The following DNASE2 variants were observed in gnomAD, a reference collection of about 807,000 sequenced individuals.
DNASE2 encodes the protein deoxyribonuclease 2, lysosomal.
Under a neutral mutation model 29.8 loss-of-function variants are expected in DNASE2, and 26 were observed. The observed-to-expected ratio is 0.87, with a 90% CI of 0.64 to 1.21. DNASE2 has a LOEUF of 1.21. Among genes scored for constraint, DNASE2 ranks in the 50% most tolerant of loss-of-function variants. The probability of loss-of-function intolerance (pLI) is 0.00; values close to 1 mark genes in which losing one functional copy is unlikely to be tolerated. For synonymous variants in DNASE2, 186 were observed against 193.5 expected (o/e 0.96, Z 0.32); for missense variants, 415 against 455.6 (o/e 0.91, Z 0.81).
At position 12,881,010 on chromosome 19, in the gene DNASE2, G is replaced by A; in HGVS notation, c.229C>T (p.Arg77Ter). The change falls in exon 2 of 6, where the codon CGA (arginine) becomes TGA (stop). Residue 77 changes from arginine (R) to a stop codon, truncating the protein, a stop_gained. Transcript: ENST00000222219. LOFTEE classifies it high-confidence loss of function. ...LINSPEGAVG[R>*]SLQPLYRSNT... is the part of the protein sequence containing the mutation. ...CTCCGGTACAGCGGCTGCAGGCTTCGGCCCACGGCCCCCTCCGGGCTGTTG... is the reference window on the plus strand; with the variant it reads ...CTCCGGTACAGCGGCTGCAGGCTTCAGCCCACGGCCCCCTCCGGGCTGTTG... 6.2e-7 allele frequency: 1 copy of A among 1,613,940 alleles called. No individual in the cohort carries two copies. The highest frequency in any genetic ancestry group is 8.5e-7 in the Non-Finnish European group (1 of 1,179,996).
chr19:12,876,457 T>TA, intron 5 of DNASE2, 94 bp from the exon 6 acceptor site: 1 of 1,405,060 alleles, frequency 7.1e-7, no homozygotes. Context: ...TTTCCATATT[T>TA]CCTTTTTTTT....
At chr19:12,879,478 C>A (rs1408519720) in intron 3 of DNASE2, among the ~76,000 whole-genome samples, 2 of 141,834 alleles carry the variant, frequency 1.4e-5, no homozygotes, top group Non-Finnish European at 3.0e-5. Context: ...GAGCAAAACT[C>A]CTTCTCAAAA....
intron 5 of DNASE2, 169 bp downstream of exon 5, chr19:12,878,213 T>C (rs983841328): frequency 1.3e-6 from 1 of 796,078 alleles, no homozygotes; most frequent in Non-Finnish European, 2.1e-6. Flanking sequence ...GGTGAAGTTA[T>C]ACATCACACA....
At chr19:12,880,951 T>A in intron 2 of DNASE2, 21 bp downstream of exon 2, 1 of 1,614,200 alleles carries the variant, frequency 6.2e-7, no homozygotes, top group Non-Finnish European at 8.5e-7. Flanking sequence ...TCGCCCCTAG[T>A]TGGCCCGGGG....
At chr19:12,878,161 A>C (rs1237661141) in intron 5 of DNASE2, 2 of 596,188 alleles carry the variant, frequency 3.4e-6, no homozygotes, top group African/African-American at 3.7e-5. Context: ...TTTTAAGTAG[A>C]TGTCAGTATC....
At chr19:12,879,613 A>T (rs1970358217) in intron 3 of DNASE2, among the ~76,000 whole-genome samples, 1 of 152,154 alleles carries the variant, frequency 6.6e-6, no homozygotes, top group South Asian at 2.1e-4. Context: ...TTAGAACCAC[A>T]GCTGAGCTCA....
rs1196295742 is a variant in DNASE2 at position 12,875,848 on chromosome 19, C to CT, written c.*141dup. The CT allele has an allele frequency of 7.1e-6, 8 of 1,130,938 alleles. No individual in the cohort carries two copies. The East Asian group carries it at 2.0e-4, about 28-fold the overall frequency. The allele number at this position is 1,130,938 out of a possible 1,614,324, so 70.1% of individuals were successfully genotyped here. On this transcript the variant is annotated 3_prime_UTR_variant, in exon 6 of 6. Coordinates refer to ENST00000222219, the MANE Select transcript of DNASE2 (RefSeq NM_001375.3). ...GGCATTTATCACCGTGCCTGGCTAA[C>CT]TTTTTTTAAGTTCTAGTAGAGATGT...
chr19:12,881,317 T>C lies in DNASE2; in HGVS notation c.59A>G (p.Tyr20Cys). ...GTCTACAGGCTGCCCGGAGTCCCCG[T>C]AGCAGGTCAGGGCCCCGGCGGGGAC... ...LCVPAGALTC[Y>C]GDSGQPVDWF... Residue 20 changes from tyrosine to cysteine, a missense_variant, in exon 1 of 6, where the codon TAC becomes TGC. Tyr to Cys is a radical substitution (Grantham distance 194). Transcript: ENST00000222219. 3.8e-6 allele frequency: 6 copies of C among 1,571,714 alleles called. No homozygotes were observed. The highest frequency in any genetic ancestry group is 5.2e-6 in the Non-Finnish European group (6 of 1,159,396).
At chr19:12,880,678 AG>A in intron 3 of DNASE2, 123 bp downstream of exon 3, 2 of 1,320,428 alleles carry the variant, frequency 1.5e-6, no homozygotes, top group South Asian at 1.3e-5. Flanking sequence ...GAAAAAAAAA[AG>A]TTGGGGGGAA....
intron 5 of DNASE2, among the ~76,000 whole-genome samples, chr19:12,877,868 C>G (rs918297131): frequency 1.3e-5 from 2 of 151,860 alleles, no homozygotes; most frequent in African/African-American, 4.8e-5. Flanking sequence ...TAAATAAAGA[C>G]AGGGTCTTGC....
Position 12,876,053 on chromosome 19 carries a change from C to T in DNASE2, c.1020G>A (p.Leu340=), listed in dbSNP as rs750287151. 18 of 1,613,892 alleles carry T rather than the reference C, an allele frequency of 1.1e-5. No homozygotes were observed. In the African/African-American group the frequency reaches 2.3e-4, roughly 20 times the overall value. ...LPALWKAFQP[L]VKNYQPCNGM... ...CATTACAGGGCTGGTAGTTCTTCAC[C>T]AGCGGCTGGAAGGCTTTCCAGAGGG... The change falls in exon 6 of 6, where the codon CTG becomes CTA. Residue 340 remains leucine, a synonymous_variant. Coordinates refer to ENST00000222219, the MANE Select transcript of DNASE2 (RefSeq NM_001375.3).
At chr19:12,880,711 T>C (rs2145922995) in intron 3 of DNASE2, 91 bp downstream of exon 3, 2 of 1,534,812 alleles carry the variant, frequency 1.3e-6, no homozygotes, top group Non-Finnish European at 1.8e-6. Flanking sequence ...GGTCTGACAG[T>C]GCAGATCTCC....
rs930205932 is a variant in DNASE2 at position 12,881,281 on chromosome 19, C to G, written c.86+9G>C. On this transcript the variant is annotated intron_variant, in intron 1 of 5. Transcript: ENST00000222219. ...CGGGGCGATGGTAGGCCCCCCGCTGCGCACTCACCAGTCTACAGGCTGCCC... is the reference window on the plus strand; with the variant it reads ...CGGGGCGATGGTAGGCCCCCCGCTGGGCACTCACCAGTCTACAGGCTGCCC... The G allele has an allele frequency of 1.3e-6, 2 of 1,579,552 alleles. No individual in the cohort carries two copies. The highest frequency in any genetic ancestry group is 8.6e-7 in the Non-Finnish European group (1 of 1,163,576).
intron 3 of DNASE2, among the ~76,000 whole-genome samples, chr19:12,879,467 A>G (rs1336824954): frequency 2.0e-5 from 3 of 146,968 alleles, no homozygotes; most frequent in African/African-American, 5.0e-5. Context: ...CTGGGTAGCA[A>G]GAGCAAAACT....
Position 12,875,700 on chromosome 19 carries a change from C to A in DNASE2, c.*290G>T, listed in dbSNP as rs141495984. On this transcript the variant is annotated 3_prime_UTR_variant, in exon 6 of 6. Coordinates refer to ENST00000222219, the MANE Select transcript of DNASE2 (RefSeq NM_001375.3). ...TGAGCCACTGCACCCACCCGTCCCC[C>A]GCCCCCCCTTTTTTTTTGAAACAGA... 2.5e-3 allele frequency: 753 copies of A among 300,668 alleles called. 13 individuals are homozygous for A. The highest frequency in any genetic ancestry group is 0.017 in the South Asian group (523 of 31,496). 18.6% of individuals were successfully genotyped at this position (300,668 alleles called of 1,614,324 possible).
At position 12,878,397 on chromosome 19, in the gene DNASE2, T is replaced by C; in HGVS notation, c.694A>G (p.Ser232Gly). The C allele has an allele frequency of 6.2e-7, 1 of 1,612,720 alleles. No individual in the cohort carries two copies. Among genetic ancestry groups the C allele is most frequent in the South Asian group, 1.1e-5 (1 of 91,012 alleles). ...TGAGACTCACCATCTCCAAATTTGCTGAACTTGGCAAAGCTCTGGAAAACA... is the reference window on the plus strand; with the variant it reads ...TGAGACTCACCATCTCCAAATTTGCCGAACTTGGCAAAGCTCTGGAAAACA... ...GAVFQSFAKF[S>G]KFGDDLYSGW... Residue 232 changes from serine (S) to glycine (G), a missense_variant, in exon 5 of 6, where the codon AGC becomes GGC. By Grantham distance (56) the Ser-to-Gly change is moderately conservative. Transcript: ENST00000222219.
intron 5 of DNASE2, 40 bp downstream of exon 5, chr19:12,878,342 G>T: frequency 5.0e-6 from 8 of 1,610,748 alleles, no homozygotes; most frequent in Non-Finnish European, 6.8e-6. Flanking sequence ...CACCCTGTCT[G>T]CAGAGAAGGA....
At position 12,878,493 on chromosome 19, in the gene DNASE2, C is replaced by T. The variant is rs998494644; in HGVS notation, c.598G>A (p.Val200Met). The T allele has an allele frequency of 1.9e-6, 3 of 1,614,024 alleles. No individual in the cohort carries two copies. The African/African-American group carries it at 4.0e-5, about 22-fold the overall frequency. Reference protein sequence around the residue: ...FAQEFPDLENVVKGHHVSQEP... With the variant: ...FAQEFPDLENMVKGHHVSQEP... ...TGGCTAACGTGGTGGCCCTTGACCA[C>T]ATTCTCCAAGTCGGGGAATTCCTGG... The change falls in exon 5 of 6, where the codon GTG becomes ATG. Residue 200 changes from valine to methionine, a missense_variant. Coordinates refer to ENST00000222219, the MANE Select transcript of DNASE2 (RefSeq NM_001375.3).
In DNASE2 at chr19:12,881,161, C is replaced by T. The variant is rs1189183843; in HGVS notation, c.87-9G>A. On this transcript the variant is annotated splice_polypyrimidine_tract_variant and intron_variant, in intron 1 of 5. Transcript: ENST00000222219. ...GCTTGTAGACCACGAACCTGGAGGTCGGAGAATGCACAGAAATAGGAGAGA... is the reference window on the plus strand; with the variant it reads ...GCTTGTAGACCACGAACCTGGAGGTTGGAGAATGCACAGAAATAGGAGAGA... 1 of 1,611,734 alleles carries T rather than the reference C, an allele frequency of 6.2e-7. No individual in the cohort carries two copies. Among genetic ancestry groups the T allele is most frequent in the Non-Finnish European group, 8.5e-7 (1 of 1,179,982 alleles).
Sources: gnomAD v4.1 joint callset for allele counts (sites outside exome capture counted in the v4.1 genomes callset) on GRCh38, gnomAD v4.1.1 for gene constraint, MANE v1.5 for transcripts, NCBI Gene and HGNC (gene_info 2026-07-23, HGNC 2026-07-21) for gene names.